Variants in SPTAN1 observed in about 807,000 individuals in gnomAD.
SPTAN1 encodes the protein spectrin alpha, non-erythrocytic 1, also known as spectrin alpha chain, non-erythrocytic 1.
In SPTAN1, 61 loss-of-function variants were observed where a neutral mutation model predicts 331.3. The observed-to-expected ratio is 0.18, with a 90% CI of 0.15 to 0.23. The LOEUF is 0.23. Among genes scored for constraint, SPTAN1 ranks in the 10% least tolerant of loss-of-function variants. The pLI, the probability that SPTAN1 is intolerant of heterozygous loss-of-function variation, is 1.00. For synonymous variants in SPTAN1, 1,153 were observed against 1,173.9 expected, an observed-to-expected ratio of 0.98 and a Z score of 0.36; for missense variants, 2,043 against 3,147.9, an observed-to-expected ratio of 0.65 and a Z score of 8.40.
Position 128,598,058 on chromosome 9 carries a change from C to T in SPTAN1, c.3415-342C>T, listed in dbSNP as rs149193470. On this transcript the variant is annotated intron_variant, in intron 24 of 56. Coordinates refer to ENST00000372739, the MANE Select transcript of SPTAN1 (RefSeq NM_001130438.3). The stretch of plus-strand genomic sequence containing the variant: ...CTGCCTACCGGGTTCAAGCGATTCT[C>T]CTGCCTCAGCCTCCCGAGTAGCTGG... Among the ~76,000 whole-genome samples the T allele has an allele frequency of 5.7e-3, 870 of 152,332 alleles. 7 individuals carry two copies. Among genetic ancestry groups the T allele is most frequent in the Non-Finnish European group, 8.5e-3 (581 of 68,032 alleles).
At chr9:128,613,578 A>T (rs1856800190) in intron 40 of SPTAN1, 93 bp downstream of exon 40, 10 of 1,017,348 alleles carry the variant, frequency 9.8e-6, no homozygotes, top group Admixed American at 3.8e-5. Context: ...AAAGAGAGTG[A>T]CTTCTTTCAC....
chr9:128,555,976 C>A (rs554856232), intron 1 of SPTAN1, among the ~76,000 whole-genome samples: 1 of 152,184 alleles, frequency 6.6e-6, no homozygotes, highest in East Asian at 1.9e-4. Flanking sequence ...AATCCCAGCG[C>A]TTTGGGAGGC....
At chr9:128,630,272 T>G in intron 51 of SPTAN1, 49 bp from the exon 52 acceptor site, 1 of 1,600,678 alleles carries the variant, frequency 6.2e-7, no homozygotes, top group Admixed American at 1.7e-5. Flanking sequence ...TTCTGAGCTC[T>G]CGGCCAGCTG....
At chr9:128,559,258 G>T (rs1229601789) in intron 1 of SPTAN1, among the ~76,000 whole-genome samples, 1 of 152,174 alleles carries the variant, frequency 6.6e-6, no homozygotes, top group Non-Finnish European at 1.5e-5. Flanking sequence ...GGCCTTTTAG[G>T]TTGGTTAATT....
At chr9:128,628,636 C>A (rs948499604) in intron 51 of SPTAN1, 2 of 187,794 alleles carry the variant, frequency 1.1e-5, no homozygotes, top group Non-Finnish European at 1.1e-5. Context: ...ATCTGCCAAG[C>A]CTGCTGTGAA....
chr9:128,609,470 C>A, intron 36 of SPTAN1, 181 bp from the exon 37 acceptor site: 2 of 997,726 alleles, frequency 2.0e-6, no homozygotes, highest in Non-Finnish European at 3.0e-6. Flanking sequence ...TTGCCTTCCT[C>A]ATTTGTCTCC....
At chr9:128,575,133 G>A (rs1851162451) in intron 4 of SPTAN1, 66 bp from the exon 5 acceptor site, 6 of 1,604,826 alleles carry the variant, frequency 3.7e-6, no homozygotes, top group Admixed American at 3.3e-5. Context: ...TCTGTTTGAT[G>A]TTTCTGGAAG....
chr9:128,617,952 T>C (rs375528151), intron 42 of SPTAN1, 35 bp from the exon 43 acceptor site: 8 of 1,614,014 alleles, frequency 5.0e-6, no homozygotes, highest in Admixed American at 1.7e-5. Flanking sequence ...CCAGAAGAGC[T>C]ACCTGCTGTT....
chr9:128,630,452 C>T, intron 52 of SPTAN1, 77 bp downstream of exon 52: 1 of 1,489,146 alleles, frequency 6.7e-7, no homozygotes, highest in South Asian at 1.1e-5. Context: ...CCCTTCCTGG[C>T]TTAAAGTCAG....
At position 128,587,664 on chromosome 9, in the gene SPTAN1, T is replaced by C; in HGVS notation, c.2837T>C (p.Ile946Thr). The C allele has an allele frequency of 6.2e-7, 1 of 1,614,010 alleles. No individual in the cohort carries two copies. The highest frequency in any genetic ancestry group is 1.7e-5 in the Admixed American group (1 of 59,998). The change falls in exon 20 of 57, where the codon ATC (isoleucine) becomes ACC (threonine). Residue 946 changes from isoleucine to threonine, a missense_variant. By Grantham distance (89) the Ile-to-Thr change is moderately conservative. Around this residue, in one of 12 missense-constraint regions of SPTAN1, gnomAD observed 1,038 missense variants for 1,531.5 expected, o/e 0.68. Coordinates refer to ENST00000372739, the MANE Select transcript of SPTAN1 (RefSeq NM_001130438.3). ...GATCTCAGTGCCTACGGCAGCAGCA[T>C]CCAGGCTTTGCGAGAACAAGCACAG... ...MSDLSAYGSS[I>T]QALREQAQSC...
chr9:128,603,656 A>G lies in SPTAN1; in HGVS notation c.3627+66A>G, dbSNP rs1855455821. 2.5e-6 allele frequency: 4 copies of G among 1,576,554 alleles called. No homozygotes were observed. The East Asian group carries it at 9.0e-5, about 35-fold the overall frequency. ...TCTCCACTATCTTCCTTCCCTGTCT[A>G]CAGCAGAGCTCTTGTTCTTGTCAAC... On this transcript the variant is annotated intron_variant, in intron 28 of 56. Coordinates refer to ENST00000372739, the MANE Select transcript of SPTAN1 (RefSeq NM_001130438.3).
chr9:128,562,026 A>G (rs1475605597), intron 1 of SPTAN1, among the ~76,000 whole-genome samples: 1 of 152,168 alleles, frequency 6.6e-6, no homozygotes, highest in Non-Finnish European at 1.5e-5. Context: ...GATGAATGAT[A>G]GAGGTGGGTG....
chr9:128,590,426 G>A (rs142154708), intron 21 of SPTAN1, among the ~76,000 whole-genome samples: 55 of 151,960 alleles, frequency 3.6e-4, no homozygotes, highest in African/African-American at 1.2e-3. Context: ...CGATGAAGCC[G>A]GGCATGGTGG....
At chr9:128,560,361 G>A (rs967157339) in intron 1 of SPTAN1, among the ~76,000 whole-genome samples, 8 of 149,422 alleles carry the variant, frequency 5.4e-5, no homozygotes, top group Non-Finnish European at 1.0e-4. Context: ...TAGGATTACA[G>A]GTGTAAGCCA....
At chr9:128,618,616 T>G (rs1391797193) in intron 43 of SPTAN1, among the ~76,000 whole-genome samples, 1 of 152,076 alleles carries the variant, frequency 6.6e-6, no homozygotes, top group Non-Finnish European at 1.5e-5. Context: ...CCCGAGTAGC[T>G]GGGACTACAG....
In SPTAN1 at chr9:128,627,587, C is replaced by T; in HGVS notation, c.6689+89C>T. On this transcript the variant is annotated intron_variant, in intron 50 of 56. Transcript: ENST00000372739. This position sits in a 1 kb window ranked among gnomAD's most constrained non-coding sequence, Gnocchi z 4.9. ...TTCCAGCCCCAAGGAGGTGGTGGTG[C>T]TTTGTGTAAAACCAGAGGCAGCCTG... 2 of 1,284,834 alleles carry T rather than the reference C, an allele frequency of 1.6e-6. No homozygotes were observed. Among genetic ancestry groups the T allele is most frequent in the African/African-American group, 1.5e-5 (1 of 67,924 alleles). The allele number at this position is 1,284,834 out of a possible 1,614,324, so 79.6% of individuals were successfully genotyped here.
In SPTAN1 at chr9:128,578,626, C is replaced by A. The variant is rs143348073; in HGVS notation, c.1221+381C>A. 1.3e-3 allele frequency among the ~76,000 whole-genome samples: 191 copies of A among 152,198 alleles called. 1 individual carries two copies. The highest frequency in any genetic ancestry group is 4.4e-3 in the African/African-American group (183 of 41,526). ...CGGGTGGATCATGAGGTCAAGAGAT[C>A]AAGACCATCCATGCCAACATGGTGA... On this transcript the variant is annotated intron_variant, in intron 9 of 56. Coordinates refer to ENST00000372739, the MANE Select transcript of SPTAN1 (RefSeq NM_001130438.3).
intron 2 of SPTAN1, among the ~76,000 whole-genome samples, chr9:128,567,506 G>C (rs1308980439): frequency 1.3e-5 from 2 of 151,988 alleles, no homozygotes; most frequent in African/African-American, 4.8e-5. Flanking sequence ...TGGCCAGGCT[G>C]GTCTTGAACT....
In SPTAN1 at chr9:128,587,467, A is replaced by G. The variant is rs369452745; in HGVS notation, c.2779-139A>G. On this transcript the variant is annotated intron_variant, in intron 19 of 56. Transcript: ENST00000372739. ...GAAAAACTTTGAAAATGATATTAGC[A>G]CTGTAAGAAGGGCAGGAGGTGATTA... 9 of 724,988 alleles carry G rather than the reference A, an allele frequency of 1.2e-5. No individual in the cohort carries two copies. In the East Asian group the frequency reaches 2.1e-4, roughly 17 times the overall value. 44.9% of individuals were successfully genotyped at this position (724,988 alleles called of 1,614,324 possible). A position where few individuals can be genotyped will look rare whatever the true frequency, so the allele number is the denominator to read the frequency against.
Sources: gnomAD v4.1 joint callset for allele counts (sites outside exome capture counted in the v4.1 genomes callset) on GRCh38, gnomAD v4.1.1 for gene constraint, gnomAD v4.1.1 regional missense constraint, Gnocchi (gnomAD v3.1) non-coding constraint, MANE v1.5 for transcripts, NCBI Gene and HGNC (gene_info 2026-07-23, HGNC 2026-07-21) for gene names.